The following SCUBE2 variants were observed in gnomAD, a reference collection of about 807,000 sequenced individuals.
The protein encoded by SCUBE2 is signal peptide, CUB domain and EGF like domain containing 2.
Under a neutral mutation model 125.9 loss-of-function variants are expected in SCUBE2, and 114 were observed. The ratio of observed to expected loss-of-function variants is 0.91; its 90% CI spans 0.78 to 1.06. The LOEUF (loss-of-function observed/expected upper bound fraction) is 1.06, where lower values mean the gene tolerates loss of function less well. SCUBE2 is among the 50% of genes least tolerant of loss of function. SCUBE2 has a pLI of 0.00. For missense variants in SCUBE2, 1,255 were observed against 1,301.8 expected, an observed-to-expected ratio of 0.96 and a Z score of 0.55; for synonymous variants, 459 against 492.9, an observed-to-expected ratio of 0.93 and a Z score of 0.91.
chr11:9,025,688 C>A lies in SCUBE2; in HGVS notation c.2854+14G>T. 6.2e-7 allele frequency: 1 copy of A among 1,613,560 alleles called. No individual in the cohort carries two copies. The highest frequency in any genetic ancestry group is 8.5e-7 in the Non-Finnish European group (1 of 1,179,708). ...GCAGAGACGCTCTTTCCATGTGCTG[C>A]AGGCTGTGCTTACCATCATATGTCA... On this transcript the variant is annotated intron_variant, in intron 21 of 22. Coordinates refer to ENST00000649792, the MANE Select transcript of SCUBE2 (RefSeq NM_001367977.2).
At position 9,027,390 on chromosome 11, in the gene SCUBE2, C is replaced by T; in HGVS notation, c.2675G>A (p.Gly892Glu). The change falls in exon 20 of 23, where the codon GGG becomes GAG. Residue 892 changes from glycine (G) to glutamate (E), a missense_variant. Around this residue, in one of 3 missense-constraint regions of SCUBE2, gnomAD observed 515 missense variants for 515.7 expected, o/e 1.00. Transcript: ENST00000649792. ...GGTTTTCCGCATCACCAGATAGTCC[C>T]CACAGTCGTCCTCTATGGGCAGGAA... is the stretch of plus-strand genomic sequence containing the variant. ...EIFLPIEDDC[G>E]DYLVMRKTSS... The T allele has an allele frequency of 6.2e-7, 1 of 1,613,996 alleles. No individual in the cohort carries two copies. The highest frequency in any genetic ancestry group is 8.5e-7 in the Non-Finnish European group (1 of 1,179,976).
intron 2 of SCUBE2, among the ~76,000 whole-genome samples, chr11:9,088,425 G>A (rs923306923): frequency 1.2e-4 from 18 of 152,326 alleles, no homozygotes; most frequent in African/African-American, 3.1e-4. Flanking sequence ...ACTCCTGGCC[G>A]GGGATGAGGA....
At chr11:9,030,105 C>A in intron 18 of SCUBE2, 60 bp from the exon 19 acceptor site, 1 of 1,555,894 alleles carries the variant, frequency 6.4e-7, no homozygotes, top group Non-Finnish European at 8.8e-7. Context: ...TAATCAAATG[C>A]AGCACAAAGA....
intron 10 of SCUBE2, among the ~76,000 whole-genome samples, chr11:9,054,913 T>C (rs1858929341): frequency 6.6e-6 from 1 of 151,052 alleles, no homozygotes; most frequent in Admixed American, 6.6e-5. Flanking sequence ...CTTGTATTTT[T>C]AGTAGAGACA....
intron 19 of SCUBE2, among the ~76,000 whole-genome samples, chr11:9,028,635 C>T (rs912771396): frequency 6.6e-6 from 1 of 152,160 alleles, no homozygotes; most frequent in African/African-American, 2.4e-5. Context: ...TTTTCCCTCT[C>T]TAGTTACAAC....
chr11:9,042,363 T>C (rs957566545), intron 16 of SCUBE2, among the ~76,000 whole-genome samples: 13 of 152,124 alleles, frequency 8.5e-5, no homozygotes, highest in African/African-American at 2.7e-4. Flanking sequence ...ATTGCCGCAG[T>C]AACCTTCCAA....
At chr11:9,029,554 T>C (rs935282421) in intron 19 of SCUBE2, among the ~76,000 whole-genome samples, 1 of 152,204 alleles carries the variant, frequency 6.6e-6, no homozygotes, top group African/African-American at 2.4e-5. Context: ...ATCAACCAAG[T>C]CCCAGCAGAA....
At chr11:9,071,084 T>A (rs781459700) in intron 4 of SCUBE2, among the ~76,000 whole-genome samples, 5 of 152,212 alleles carry the variant, frequency 3.3e-5, no homozygotes, top group Non-Finnish European at 5.9e-5. Flanking sequence ...CTAGAAGCAG[T>A]GTCCTGTCTG....
intron 3 of SCUBE2, among the ~76,000 whole-genome samples, chr11:9,075,301 G>A (rs1245925657): frequency 6.6e-6 from 1 of 152,042 alleles, no homozygotes; most frequent in East Asian, 1.9e-4. Flanking sequence ...TATAAAAGGT[G>A]GTACCAAGGA....
At chr11:9,044,803 CT>C (rs1023519176) in intron 16 of SCUBE2, among the ~76,000 whole-genome samples, 72 of 152,148 alleles carry the variant, frequency 4.7e-4, no homozygotes, top group African/African-American at 1.7e-3. Flanking sequence ...TTGTTGTTCT[CT>C]TTGCCTGAAA....
intron 9 of SCUBE2, 25 bp downstream of exon 9, chr11:9,059,278 G>A (rs745358557): frequency 1.4e-4 from 224 of 1,611,570 alleles, no homozygotes; most frequent in Non-Finnish European, 1.8e-4. Context: ...CCATTGCGCA[G>A]CACAGCTATG....
chr11:9,091,302 C>T lies in SCUBE2; in HGVS notation c.133+94G>A. 8 of 920,524 alleles carry T rather than the reference C, an allele frequency of 8.7e-6. No individual in the cohort carries two copies. The highest frequency in any genetic ancestry group is 9.8e-6 in the Non-Finnish European group (7 of 713,330). The allele number at this position is 920,524 out of a possible 1,614,324, so 57.0% of individuals were successfully genotyped here. A position where few individuals can be genotyped will look rare whatever the true frequency, so the allele number is the denominator to read the frequency against. On this transcript the variant is annotated intron_variant, in intron 1 of 22. Coordinates refer to ENST00000649792, the MANE Select transcript of SCUBE2 (RefSeq NM_001367977.2). The surrounding 1 kb of genome is among the most constrained non-coding windows in gnomAD (Gnocchi z 8.5). ...GGAGCTGCAGCCGCCAGCCCCGAGC[C>T]CCGCGCGCCCGGCTCTGGACTCCGC...
Position 9,056,880 on chromosome 11 carries a change from CTA to C in SCUBE2, c.1091-973_1091-972del, listed in dbSNP as rs536990463. ...TCAACACCGAGTGTGCCATGAGAAA[CTA>C]TGTTAATAAAAGGCAAAAATGTGGA... On this transcript the variant is annotated intron_variant, in intron 9 of 22. Coordinates refer to ENST00000649792, the MANE Select transcript of SCUBE2 (RefSeq NM_001367977.2). Among the ~76,000 whole-genome samples, 1,048 of 152,196 alleles carry C rather than the reference CTA, an allele frequency of 6.9e-3. 4 individuals carry two copies. The highest frequency in any genetic ancestry group is 0.012 in the Non-Finnish European group (787 of 68,004).
At chr11:9,028,837 A>G (rs1419192076) in intron 19 of SCUBE2, among the ~76,000 whole-genome samples, 2 of 152,194 alleles carry the variant, frequency 1.3e-5, no homozygotes, top group East Asian at 1.9e-4. Flanking sequence ...ATCTTGTTCT[A>G]ACACTGTGAG....
rs547023875 is a variant in SCUBE2 at position 9,046,321 on chromosome 11, G to C, written c.2002+1035C>G. Among the ~76,000 whole-genome samples, 3 of 151,926 alleles carry C rather than the reference G, an allele frequency of 2.0e-5. No homozygotes were observed. In the South Asian group the frequency reaches 6.2e-4, roughly 32 times the overall value. On this transcript the variant is annotated intron_variant, in intron 16 of 22. Transcript: ENST00000649792. The stretch of plus-strand genomic sequence containing the variant: ...TCATGCCTGGCCCCGAGTGTCTTTC[G>C]TAGGCTGTTGTGGTCATGAAGCCCC...
At chr11:9,070,182 G>C (rs1036013203) in intron 4 of SCUBE2, among the ~76,000 whole-genome samples, 1 of 152,204 alleles carries the variant, frequency 6.6e-6, no homozygotes, top group Non-Finnish European at 1.5e-5. Context: ...GAGAGAAGGA[G>C]GGAGTGTGCT....
chr11:9,042,733 T>G (rs1857365263), intron 16 of SCUBE2, among the ~76,000 whole-genome samples: 1 of 152,158 alleles, frequency 6.6e-6, no homozygotes, highest in South Asian at 2.1e-4. Flanking sequence ...GAGGGATGTA[T>G]GGGAAGCAAG....
At chr11:9,027,825 T>C (rs996966984) in intron 19 of SCUBE2, among the ~76,000 whole-genome samples, 1 of 152,104 alleles carries the variant, frequency 6.6e-6, no homozygotes, top group Admixed American at 6.5e-5. Context: ...GGCAGGTAAT[T>C]GTGAACAAAA....
chr11:9,065,363 T>A (rs1472804166), intron 7 of SCUBE2, among the ~76,000 whole-genome samples: 1 of 152,136 alleles, frequency 6.6e-6, no homozygotes, highest in East Asian at 1.9e-4. Context: ...TGTTTGGTAG[T>A]TCCTCCTGCA....
Sources: allele counts gnomAD v4.1 joint callset (sites outside exome capture counted in the v4.1 genomes callset), GRCh38; gene constraint gnomAD v4.1.1; regional missense constraint gnomAD v4.1.1; non-coding constraint Gnocchi (gnomAD v3.1); transcripts MANE v1.5; gene names NCBI Gene and HGNC (gene_info 2026-07-23, HGNC 2026-07-21).